The following PTN variants were observed in gnomAD, a reference collection of about 807,000 sequenced individuals.
PTN encodes heparin affin regulatory protein.
Under a neutral mutation model 24.1 loss-of-function variants are expected in PTN, and 18 were observed. The ratio of observed to expected loss-of-function variants is 0.75; its 90% confidence interval spans 0.52 to 1.11. The LOEUF (loss-of-function observed/expected upper bound fraction) is 1.11, where lower values mean the gene tolerates loss of function less well. Among genes scored for constraint, PTN ranks in the 50% least tolerant of loss-of-function variants. The pLI, the probability that PTN is intolerant of heterozygous loss-of-function variation, is 0.00. For synonymous variants in PTN, 78 were observed against 68.6 expected, an observed-to-expected ratio of 1.14 and a Z score of -0.67; for missense variants, 163 against 198.8, an observed-to-expected ratio of 0.82 and a Z score of 1.08.
intron 1 of PTN, among the ~76,000 whole-genome samples, chr7:137,298,137 G>A (rs1388237462): frequency 6.6e-6 from 1 of 151,974 alleles, no homozygotes; most frequent in Non-Finnish European, 1.5e-5. Context: ...GAGCCTGTAA[G>A]GATTCTTAAG....
intron 1 of PTN, among the ~76,000 whole-genome samples, chr7:137,337,413 A>C (rs1810465985): frequency 6.6e-6 from 1 of 152,210 alleles, no homozygotes; most frequent in South Asian, 2.1e-4. Context: ...TTTCTGTATC[A>C]ATTTTTTAAA....
intron 1 of PTN, among the ~76,000 whole-genome samples, chr7:137,328,514 A>G (rs1214415723): frequency 6.6e-6 from 1 of 152,042 alleles, no homozygotes; most frequent in African/African-American, 2.4e-5. Context: ...TTTGGTCCCT[A>G]TTGTATGTTC....
chr7:137,288,165 A>G (rs962115113), intron 1 of PTN, among the ~76,000 whole-genome samples: 4 of 152,216 alleles, frequency 2.6e-5, no homozygotes, highest in Non-Finnish European at 5.9e-5. Context: ...GTTTAGTGAG[A>G]TGAAGGTCTC....
At chr7:137,257,989 A>G (rs1364338063) in intron 1 of PTN, among the ~76,000 whole-genome samples, 2 of 152,170 alleles carry the variant, frequency 1.3e-5, no homozygotes, top group African/African-American at 4.8e-5. Context: ...ACATATACAC[A>G]CACATGCACA....
At chr7:137,295,287 T>C (rs1809702122) in intron 1 of PTN, among the ~76,000 whole-genome samples, 1 of 152,190 alleles carries the variant, frequency 6.6e-6, no homozygotes, top group East Asian at 1.9e-4. Context: ...ATTCAAAATG[T>C]TCTTTTTTAT....
intron 1 of PTN, among the ~76,000 whole-genome samples, chr7:137,321,942 A>G (rs553674819): frequency 6.6e-6 from 1 of 152,328 alleles, no homozygotes; most frequent in African/African-American, 2.4e-5. Context: ...TACAGTGTAC[A>G]ATAAGTTACA....
At chr7:137,256,448 T>G (rs1226958395) in intron 1 of PTN, among the ~76,000 whole-genome samples, 2 of 152,288 alleles carry the variant, frequency 1.3e-5, no homozygotes, top group Middle Eastern at 3.4e-3. Flanking sequence ...TAGTTTGCTG[T>G]GGATGATGGC....
At chr7:137,253,331 C>T in intron 3 of PTN, 133 bp downstream of exon 3, 1 of 915,950 alleles carries the variant, frequency 1.1e-6, no homozygotes. Context: ...GAAATGGGAC[C>T]AGTCTGGTCA....
At chr7:137,260,691 C>T (rs1018880447) in intron 1 of PTN, among the ~76,000 whole-genome samples, 1 of 152,102 alleles carries the variant, frequency 6.6e-6, no homozygotes, top group Non-Finnish European at 1.5e-5. Context: ...ATTCAATATT[C>T]TCTTCAGCTG....
At chr7:137,257,184 G>A (rs985215044) in intron 1 of PTN, among the ~76,000 whole-genome samples, 1 of 152,078 alleles carries the variant, frequency 6.6e-6, no homozygotes, top group African/African-American at 2.4e-5. Flanking sequence ...TGAATCACAA[G>A]CCTAGATTAG....
At chr7:137,256,527 T>C (rs763849023) in intron 1 of PTN, among the ~76,000 whole-genome samples, 9 of 152,224 alleles carry the variant, frequency 5.9e-5, no homozygotes, top group Admixed American at 2.0e-4. Context: ...TAGTATTCCA[T>C]TGTATATATG....
intron 1 of PTN, among the ~76,000 whole-genome samples, chr7:137,268,621 C>A (rs1239703681): frequency 6.6e-6 from 1 of 152,170 alleles, no homozygotes; most frequent in Non-Finnish European, 1.5e-5. Flanking sequence ...TCCTTCCATA[C>A]AATGTCTGGA....
chr7:137,268,764 A>G (rs1232863772), intron 1 of PTN, among the ~76,000 whole-genome samples: 1 of 152,146 alleles, frequency 6.6e-6, no homozygotes, highest in Non-Finnish European at 1.5e-5. Context: ...GCGCTGGGTT[A>G]CCTGCCTTTT....
chr7:137,254,080 A>C (rs1188743907), intron 2 of PTN, among the ~76,000 whole-genome samples: 1 of 152,166 alleles, frequency 6.6e-6, no homozygotes, highest in Non-Finnish European at 1.5e-5. Flanking sequence ...CAGGCAGATC[A>C]CAAGGTCAAA....
chr7:137,232,477 A>G (rs1012435643), intron 4 of PTN, among the ~76,000 whole-genome samples: 2 of 151,926 alleles, frequency 1.3e-5, no homozygotes, highest in Admixed American at 6.6e-5. Flanking sequence ...ATACAAATAC[A>G]TTGTTTTAAG....
Position 137,343,723 on chromosome 7 carries a change from A to C in PTN, c.-286T>G, listed in dbSNP as rs757393820. 163 of 459,914 alleles carry C rather than the reference A, an allele frequency of 3.5e-4. 1 individual carries two copies. In the Middle Eastern group the frequency reaches 9.1e-3, roughly 26 times the overall value. 28.5% of individuals were successfully genotyped at this position (459,914 alleles called of 1,614,324 possible). The stretch of plus-strand genomic sequence containing the variant: ...CCCTGACAGGGAGGGAACGGAAGGG[A>C]AATGGAGAATGGGAGGGATGAGAGG... On this transcript the variant is annotated 5_prime_UTR_variant, in exon 1 of 5. Coordinates refer to ENST00000348225, the MANE Select transcript of PTN (RefSeq NM_002825.7).
At chr7:137,281,812 A>C (rs1292746910) in intron 1 of PTN, among the ~76,000 whole-genome samples, 1 of 152,266 alleles carries the variant, frequency 6.6e-6, no homozygotes, top group Non-Finnish European at 1.5e-5. Flanking sequence ...AGGAACATTT[A>C]ATAACCAATA....
intron 1 of PTN, among the ~76,000 whole-genome samples, chr7:137,276,796 C>T (rs1328850936): frequency 6.8e-6 from 1 of 146,406 alleles, no homozygotes; most frequent in African/African-American, 2.6e-5. Context: ...TTGCTTTTAA[C>T]AGAAAAAAAA....
intron 4 of PTN, among the ~76,000 whole-genome samples, chr7:137,240,779 T>C (rs1384250395): frequency 6.6e-6 from 1 of 152,172 alleles, no homozygotes; most frequent in African/African-American, 2.4e-5. Context: ...TTCACTTTCT[T>C]AGGTAAGAAA....
Sources: gnomAD v4.1 joint callset for allele counts (sites outside exome capture counted in the v4.1 genomes callset) on GRCh38, gnomAD v4.1.1 for gene constraint, MANE v1.5 for transcripts, NCBI Gene and HGNC (gene_info 2026-07-23, HGNC 2026-07-21) for gene names.